NELL1: variants seen among roughly 807,000 people sequenced by gnomAD.
The protein encoded by NELL1 is neural EGFL like 1.
A neutral mutation model predicts 107.4 loss-of-function variants in NELL1; 76 were observed. That is an observed-to-expected ratio of 0.71 (90% CI 0.59 to 0.86). The LOEUF (loss-of-function observed/expected upper bound fraction) is 0.86. NELL1 is among the 40% of genes least tolerant of loss of function. The probability of loss-of-function intolerance (pLI) is 0.00; values close to 1 mark genes in which losing one functional copy is unlikely to be tolerated. For synonymous variants in NELL1, 353 were observed against 341.2 expected (o/e 1.03, Z -0.38); for missense variants, 1,024 against 1,005.5 (o/e 1.02, Z -0.25).
chr11:21,231,278 T>C (rs1017339109), intron 14 of NELL1, among the ~76,000 whole-genome samples: 1 of 152,180 alleles, frequency 6.6e-6, no homozygotes, highest in Non-Finnish European at 1.5e-5. Context: ...ACATGCAAAC[T>C]AGTCACCTTA....
At chr11:21,476,810 G>T in intron 15 of NELL1, among the ~76,000 whole-genome samples, 1 of 152,118 alleles carries the variant, frequency 6.6e-6, no homozygotes, top group Middle Eastern at 3.2e-3. Context: ...AGAGCACAAT[G>T]ATTGTGGGAC....
chr11:21,196,821 A>G (rs1857163502), intron 13 of NELL1, among the ~76,000 whole-genome samples: 2 of 151,676 alleles, frequency 1.3e-5, no homozygotes. Flanking sequence ...GGTACATCAC[A>G]AATATTTGAA....
intron 14 of NELL1, among the ~76,000 whole-genome samples, chr11:21,336,674 T>TATATATATATATACAC (rs55720144): frequency 2.3e-5 from 3 of 130,524 alleles, no homozygotes; most frequent in African/African-American, 8.6e-5. Flanking sequence ...TATATATATA[T>TATATATATATATACAC]ACACACACAC....
intron 14 of NELL1, among the ~76,000 whole-genome samples, chr11:21,292,241 A>G (rs1849284357): frequency 6.6e-6 from 1 of 152,246 alleles, no homozygotes; most frequent in Non-Finnish European, 1.5e-5. Context: ...GTCTCAGGAT[A>G]GAAAATCAAT....
chr11:21,060,055 G>C (rs1853702714), intron 12 of NELL1, among the ~76,000 whole-genome samples: 1 of 152,088 alleles, frequency 6.6e-6, no homozygotes, highest in African/African-American at 2.4e-5. Context: ...AACCACATGG[G>C]GTTAGGCACA....
chr11:20,791,793 T>C (rs2133991655), intron 3 of NELL1, among the ~76,000 whole-genome samples: 1 of 151,592 alleles, frequency 6.6e-6, no homozygotes, highest in East Asian at 1.9e-4. Flanking sequence ...CTCTTTCTAT[T>C]CCTAGTTTGG....
At chr11:21,208,844 A>G (rs1857441459) in intron 13 of NELL1, among the ~76,000 whole-genome samples, 1 of 152,166 alleles carries the variant, frequency 6.6e-6, no homozygotes, top group African/African-American at 2.4e-5. Flanking sequence ...GAGTGGGGGT[A>G]GTTCCACCAA....
chr11:21,432,371 A>G (rs1475048456), intron 15 of NELL1, among the ~76,000 whole-genome samples: 1 of 152,132 alleles, frequency 6.6e-6, no homozygotes, highest in Non-Finnish European at 1.5e-5. Context: ...TCTTTGTGAA[A>G]CCTGTAGTGA....
At chr11:21,543,323 A>T (rs1856340469) in intron 16 of NELL1, among the ~76,000 whole-genome samples, 1 of 152,044 alleles carries the variant, frequency 6.6e-6, no homozygotes, top group African/African-American at 2.4e-5. Flanking sequence ...GATGCCACTT[A>T]ACCATGGAAC....
chr11:21,562,850 G>T (rs541694747), intron 17 of NELL1, among the ~76,000 whole-genome samples: 1 of 152,088 alleles, frequency 6.6e-6, no homozygotes. Flanking sequence ...TTTTTAAAAG[G>T]CTACTTTCCC....
At chr11:21,043,765 T>G (rs1023980238) in intron 12 of NELL1, among the ~76,000 whole-genome samples, 1 of 152,082 alleles carries the variant, frequency 6.6e-6, no homozygotes, top group Admixed American at 6.6e-5. Flanking sequence ...TTATTGAAGT[T>G]AAATGCATGG....
At chr11:21,554,506 C>G (rs1856660748) in intron 16 of NELL1, among the ~76,000 whole-genome samples, 1 of 151,692 alleles carries the variant, frequency 6.6e-6, no homozygotes, top group South Asian at 2.1e-4. Context: ...CATAAGAGAT[C>G]AGGAGTGGTG....
chr11:20,898,133 C>T (rs1849790578), intron 5 of NELL1, among the ~76,000 whole-genome samples: 1 of 152,114 alleles, frequency 6.6e-6, no homozygotes, highest in African/African-American at 2.4e-5. Flanking sequence ...ATGTTTATCG[C>T]AGCACTATTC....
intron 14 of NELL1, among the ~76,000 whole-genome samples, chr11:21,297,107 C>A (rs757982257): frequency 6.6e-6 from 1 of 151,582 alleles, no homozygotes; most frequent in Non-Finnish European, 1.5e-5. Flanking sequence ...CTGCAGCATT[C>A]TGTGGGAAAA....
At chr11:21,536,947 G>A (rs1373179768) in intron 16 of NELL1, among the ~76,000 whole-genome samples, 1 of 152,144 alleles carries the variant, frequency 6.6e-6, no homozygotes, top group African/African-American at 2.4e-5. Flanking sequence ...TAAAATTCCT[G>A]CACTCTCAAG....
intron 15 of NELL1, among the ~76,000 whole-genome samples, chr11:21,501,056 T>A (rs1348601299): frequency 6.6e-6 from 1 of 152,170 alleles, no homozygotes; most frequent in East Asian, 1.9e-4. Context: ...TTACTGTCTG[T>A]GAATATTATC....
At chr11:21,564,128 C>T (rs180821439) in intron 17 of NELL1, among the ~76,000 whole-genome samples, 18 of 151,900 alleles carry the variant, frequency 1.2e-4, no homozygotes, top group Non-Finnish European at 1.9e-4. Context: ...AGAGATTTTA[C>T]GTTTGGAATT....
At chr11:21,537,082 C>G (rs936953638) in intron 16 of NELL1, among the ~76,000 whole-genome samples, 1 of 152,118 alleles carries the variant, frequency 6.6e-6, no homozygotes, top group Non-Finnish European at 1.5e-5. Flanking sequence ...GTCTGAATTT[C>G]TTTTTATTTC....
chr11:21,244,986 G>A (rs1858453964), intron 14 of NELL1, among the ~76,000 whole-genome samples: 1 of 152,086 alleles, frequency 6.6e-6, no homozygotes, highest in Non-Finnish European at 1.5e-5. Flanking sequence ...GCACATCCTG[G>A]CATATAAATT....
Sources: allele counts gnomAD v4.1 joint callset (sites outside exome capture counted in the v4.1 genomes callset), GRCh38; gene constraint gnomAD v4.1.1; transcripts MANE v1.5; gene names NCBI Gene and HGNC (gene_info 2026-07-23, HGNC 2026-07-21).